POFUT4: variants seen among roughly 807,000 people sequenced by gnomAD.
POFUT4 encodes GDP-fucose protein O-fucosyltransferase 4.
At chr10:73,775,294 C>A in the POFUT4 span, 1 of 884,868 alleles carries the variant, frequency 1.1e-6, no homozygotes, top group Non-Finnish European at 1.8e-6. Context: ...CATTTGGGAG[C>A]CAGAAGCAGG....
chr10:73,772,308 A>AG, the POFUT4 span: 466 of 1,413,188 alleles, frequency 3.3e-4, 6 homozygotes, highest in East Asian at 0.013. Context: ...GTGCTGGCCG[A>AG]GGGGGCGCCG....
chr10:73,772,723 GGCCGCCCC>G, the POFUT4 span: 1 of 1,590,628 alleles, frequency 6.3e-7, no homozygotes. Flanking sequence ...TCCGCGCGTC[GGCCGCCCC>G]GCTGCCGCGC....
chr10:73,773,967 GA>G, the POFUT4 span: 2 of 817,238 alleles, frequency 2.4e-6, no homozygotes, highest in Admixed American at 6.8e-5. Flanking sequence ...TAGTTGGGGG[GA>G]TAAGACAAGC....
chr10:73,772,976 CA>C, the POFUT4 span: 1 of 1,602,018 alleles, frequency 6.2e-7, no homozygotes, highest in Non-Finnish European at 8.5e-7. Flanking sequence ...GCTCTATCTG[CA>C]GTCACACTGC....
the POFUT4 span, chr10:73,772,441 G>A: frequency 6.4e-7 from 1 of 1,564,366 alleles, no homozygotes; most frequent in Admixed American, 1.9e-5. Context: ...GCGGGGAGGC[G>A]GAGTGGGCGG....
chr10:73,775,150 C>T, the POFUT4 span: 2 of 472,302 alleles, frequency 4.2e-6, no homozygotes, highest in Admixed American at 7.3e-5. Flanking sequence ...TTTTGATGCA[C>T]CTTCATTTTG....
chr10:73,772,472 T>C, the POFUT4 span: 10 of 1,552,518 alleles, frequency 6.4e-6, no homozygotes, highest in Admixed American at 1.5e-4. Flanking sequence ...TGGCGCGGTT[T>C]TCCGGCCGCC....
the POFUT4 span, chr10:73,773,075 A>G: frequency 6.5e-7 from 1 of 1,543,546 alleles, no homozygotes; most frequent in Non-Finnish European, 8.7e-7. Context: ...AAGGAAAAGG[A>G]GAGGGCGGGT....
the POFUT4 span, chr10:73,772,315 GC>G: frequency 7.0e-7 from 1 of 1,419,538 alleles, no homozygotes; most frequent in Non-Finnish European, 9.2e-7. Flanking sequence ...CCGAGGGGGC[GC>G]CGGCTGCCGG....
the POFUT4 span, among the ~76,000 whole-genome samples, chr10:73,776,535 G>T: frequency 6.6e-6 from 1 of 152,088 alleles, no homozygotes; most frequent in Non-Finnish European, 1.5e-5. Flanking sequence ...AAAAGAATTA[G>T]CAGGGCATGG....
chr10:73,779,686 T>G, the POFUT4 span: 9 of 152,096 alleles, frequency 5.9e-5, no homozygotes, highest in Non-Finnish European at 1.0e-4. Flanking sequence ...GAGTGCATAA[T>G]TATTACACAA....
the POFUT4 span, chr10:73,773,543 G>A: frequency 1.7e-5 from 27 of 1,614,146 alleles, no homozygotes; most frequent in Non-Finnish European, 2.1e-5. Flanking sequence ...TGGCATACAA[G>A]CAACCTGGGG....
the POFUT4 span, chr10:73,773,652 G>A: frequency 1.1e-3 from 1,730 of 1,614,238 alleles, 28 homozygotes; most frequent in South Asian, 0.013. Flanking sequence ...CGAGTGTTTC[G>A]TCTGTGACTA....
At chr10:73,772,706 A>G in the POFUT4 span, 2 of 1,582,584 alleles carry the variant, frequency 1.3e-6, no homozygotes, top group Non-Finnish European at 8.6e-7. Context: ...CTTCTACGGC[A>G]CAGACTTCCG....
At chr10:73,775,725 G>T in the POFUT4 span, 1 of 1,606,316 alleles carries the variant, frequency 6.2e-7, no homozygotes, top group South Asian at 1.1e-5. Flanking sequence ...GAGCTAAGGA[G>T]ATCTTATTCT....
chr10:73,773,120 TGTCCAGGACTCC>T, the POFUT4 span: 15 of 364,762 alleles, frequency 4.1e-5, no homozygotes, highest in Non-Finnish European at 7.5e-5. Context: ...GGACTCCAGG[TGTCCAGGACTCC>T]AGGTGTCCAG....
chr10:73,772,879 G>T, the POFUT4 span: 1 of 1,612,190 alleles, frequency 6.2e-7, no homozygotes, highest in East Asian at 2.2e-5. Flanking sequence ...TGTCGCTGCA[G>T]TGGCTGCCCG....
chr10:73,777,216 T>C, the POFUT4 span, among the ~76,000 whole-genome samples: 2 of 151,904 alleles, frequency 1.3e-5, 1 homozygote, highest in South Asian at 4.2e-4. Flanking sequence ...CTGGGAATTA[T>C]GACAGAAAAA....
chr10:73,777,863 CTTT>C, the POFUT4 span, among the ~76,000 whole-genome samples: 1 of 136,764 alleles, frequency 7.3e-6, no homozygotes. Context: ...GTGCCCCCAC[CTTT>C]TTTTTTTTTT....
Sources: gnomAD v4.1 joint callset for allele counts (sites outside exome capture counted in the v4.1 genomes callset) on GRCh38, gnomAD v4.1.1 for gene constraint, MANE v1.5 for transcripts, NCBI Gene and HGNC (gene_info 2026-07-23, HGNC 2026-07-21) for gene names.